The following TMEM178B variants were observed in gnomAD, a reference collection of about 807,000 sequenced individuals.
TMEM178B encodes the protein transmembrane protein 178B.
In TMEM178B, 5 loss-of-function variants were observed where a neutral mutation model predicts 31.0. The observed-to-expected ratio is 0.16, with a 90% CI of 0.08 to 0.34. The LOEUF (loss-of-function observed/expected upper bound fraction) is 0.34. TMEM178B is among the 10% of genes least tolerant of loss of function. The pLI is 1.00. For missense variants in TMEM178B, 275 were observed against 400.3 expected (o/e 0.69, Z 2.67); for synonymous variants, 164 against 164.0 (o/e 1.00, Z 0.00).
At chr7:141,289,208 G>A (rs1798501865) in intron 2 of TMEM178B, among the ~76,000 whole-genome samples, 1 of 152,164 alleles carries the variant, frequency 6.6e-6, no homozygotes, top group Non-Finnish European at 1.5e-5. Flanking sequence ...TAATAGGGTC[G>A]AGAGCACCAG....
At chr7:141,121,388 G>T (rs185891750) in intron 1 of TMEM178B, among the ~76,000 whole-genome samples, 6 of 152,202 alleles carry the variant, frequency 3.9e-5, no homozygotes, top group African/African-American at 1.4e-4. Flanking sequence ...TGTAAGTTCC[G>T]TTTCCCCTTT....
At chr7:141,134,130 G>C (rs1795637302) in intron 1 of TMEM178B, among the ~76,000 whole-genome samples, 1 of 152,148 alleles carries the variant, frequency 6.6e-6, no homozygotes, top group Non-Finnish European at 1.5e-5. Context: ...AGCTACTTGG[G>C]AGGCTGAGGT....
rs975416278 is a variant in TMEM178B, at chr7:141,476,099, C to A, written c.*5313C>A. 1.3e-5 allele frequency: 2 copies of A among 152,138 alleles called. No homozygotes were observed. Among genetic ancestry groups the A allele is most frequent in the African/African-American group, 4.8e-5 (2 of 41,440 alleles). 9.4% of individuals were successfully genotyped at this position (152,138 alleles called of 1,614,324 possible). On this transcript the variant is annotated 3_prime_UTR_variant, in exon 4 of 4. Coordinates refer to ENST00000565468, the MANE Select transcript of TMEM178B (RefSeq NM_001195278.2). ...TGTTCTAATTATCCCTCAGAAGACC[C>A]CCCGCTGGAATGGAATTCTCACATC...
At chr7:141,095,462 C>A (rs1394060823) in intron 1 of TMEM178B, among the ~76,000 whole-genome samples, 1 of 152,056 alleles carries the variant, frequency 6.6e-6, no homozygotes, top group African/African-American at 2.4e-5. Flanking sequence ...TGTGTCATGA[C>A]CAATTTTATT....
intron 2 of TMEM178B, among the ~76,000 whole-genome samples, chr7:141,283,750 A>G (rs1004631265): frequency 5.3e-5 from 8 of 152,176 alleles, no homozygotes; most frequent in Non-Finnish European, 4.4e-5. Context: ...CAGTTGGTTA[A>G]TATACACTTA....
At chr7:141,103,938 A>T (rs898455419) in intron 1 of TMEM178B, among the ~76,000 whole-genome samples, 4 of 152,208 alleles carry the variant, frequency 2.6e-5, no homozygotes, top group African/African-American at 9.6e-5. Flanking sequence ...ATTCCTCTGC[A>T]TAATCACTGT....
intron 1 of TMEM178B, among the ~76,000 whole-genome samples, chr7:141,101,677 C>T (rs562219372): frequency 6.6e-6 from 1 of 152,288 alleles, no homozygotes; most frequent in Non-Finnish European, 1.5e-5. Context: ...AAAATACATG[C>T]AGCATATTGT....
At chr7:141,317,074 T>C (rs911755278) in intron 2 of TMEM178B, among the ~76,000 whole-genome samples, 1 of 152,246 alleles carries the variant, frequency 6.6e-6, no homozygotes, top group Non-Finnish European at 1.5e-5. Flanking sequence ...TTCCTTTTTT[T>C]TCCTTTAGTA....
At chr7:141,438,755 A>G (rs1333268990) in intron 3 of TMEM178B, among the ~76,000 whole-genome samples, 2 of 145,794 alleles carry the variant, frequency 1.4e-5, no homozygotes, top group African/African-American at 2.5e-5. Context: ...GCGTGCCTGT[A>G]GTCCCAGCCA....
chr7:141,367,215 C>A (rs907254785), intron 2 of TMEM178B, among the ~76,000 whole-genome samples: 5 of 151,934 alleles, frequency 3.3e-5, no homozygotes, highest in African/African-American at 1.2e-4. Context: ...TTTTACAAAC[C>A]AATTATTTGA....
At chr7:141,090,056 G>A (rs1794856623) in intron 1 of TMEM178B, among the ~76,000 whole-genome samples, 1 of 151,786 alleles carries the variant, frequency 6.6e-6, no homozygotes, top group Non-Finnish European at 1.5e-5. Flanking sequence ...GTCCACTTTT[G>A]CTACCCTTCT....
chr7:141,261,532 C>T (rs572684254), intron 2 of TMEM178B, among the ~76,000 whole-genome samples: 2 of 152,030 alleles, frequency 1.3e-5, no homozygotes, highest in African/African-American at 2.4e-5. Flanking sequence ...GTGCAGGGAT[C>T]GTTAGTCATA....
chr7:141,316,341 G>A (rs752135013), intron 2 of TMEM178B, among the ~76,000 whole-genome samples: 6 of 152,270 alleles, frequency 3.9e-5, no homozygotes, highest in South Asian at 2.1e-4. Context: ...GCAGCATTCC[G>A]TTGTATTAAC....
At chr7:141,490,782 T>TC in the TMEM178B span, among the ~76,000 whole-genome samples, 2 of 152,216 alleles carry the variant, frequency 1.3e-5, no homozygotes, top group African/African-American at 4.8e-5. Context: ...TTCAGCAGCT[T>TC]CCCGTTTACT....
At chr7:141,501,231 G>A in the TMEM178B span, among the ~76,000 whole-genome samples, 4 of 151,692 alleles carry the variant, frequency 2.6e-5, no homozygotes, top group South Asian at 4.2e-4. Flanking sequence ...AGGTCTCGGC[G>A]GTGCCCTTCC....
chr7:141,324,162 A>G (rs1799146327), intron 2 of TMEM178B, among the ~76,000 whole-genome samples: 1 of 152,138 alleles, frequency 6.6e-6, no homozygotes, highest in Non-Finnish European at 1.5e-5. Flanking sequence ...AAGGAAAGCC[A>G]TTGAGAAGCT....
chr7:141,254,551 C>T (rs1401779325), intron 2 of TMEM178B, among the ~76,000 whole-genome samples: 1 of 152,072 alleles, frequency 6.6e-6, no homozygotes, highest in Non-Finnish European at 1.5e-5. Context: ...CACCCCATCT[C>T]TACTGAAAAT....
intron 1 of TMEM178B, among the ~76,000 whole-genome samples, chr7:141,121,194 A>G (rs972175524): frequency 5.3e-5 from 8 of 152,172 alleles, no homozygotes; most frequent in Non-Finnish European, 1.0e-4. Flanking sequence ...CTTTTAAGCC[A>G]AATTGTATTA....
At chr7:141,142,756 TC>T (rs773643845) in intron 1 of TMEM178B, among the ~76,000 whole-genome samples, 18 of 152,236 alleles carry the variant, frequency 1.2e-4, no homozygotes, top group Non-Finnish European at 2.1e-4. Context: ...GATTGCTAGG[TC>T]AAATGGTAGC....
Sources: gnomAD v4.1 joint callset for allele counts (sites outside exome capture counted in the v4.1 genomes callset) on GRCh38, gnomAD v4.1.1 for gene constraint, MANE v1.5 for transcripts, NCBI Gene and HGNC (gene_info 2026-07-23, HGNC 2026-07-21) for gene names.